The following RAB4A variants were observed in gnomAD, a reference collection of about 807,000 sequenced individuals.
The protein encoded by RAB4A is RAB4A, member RAS oncogene family.
Under a neutral mutation model 34.5 loss-of-function variants are expected in RAB4A, and 20 were observed. The ratio of observed to expected loss-of-function variants is 0.58; its 90% CI spans 0.41 to 0.84. The LOEUF is 0.84. RAB4A is among the 40% of genes least tolerant of loss of function. RAB4A has a pLI of 0.00. For synonymous variants in RAB4A, 102 were observed against 100.0 expected (o/e 1.02, Z -0.12); for missense variants, 228 against 274.5 (o/e 0.83, Z 1.20).
chr1:229,293,392 G>A (rs946679121), intron 3 of RAB4A, among the ~76,000 whole-genome samples: 4 of 152,214 alleles, frequency 2.6e-5, no homozygotes, highest in African/African-American at 4.8e-5. Context: ...GGGCTCCCAC[G>A]GCCACAGCCC....
chr1:229,293,378 G>A (rs533525105), intron 3 of RAB4A, among the ~76,000 whole-genome samples: 2 of 152,310 alleles, frequency 1.3e-5, no homozygotes, highest in South Asian at 2.1e-4. Flanking sequence ...TCCTCACTCG[G>A]TGAGGGCTCC....
rs570091786 is a variant in RAB4A, at chr1:229,277,525, A to G, written c.31+6155A>G. Among the ~76,000 whole-genome samples the G allele has an allele frequency of 1.9e-4, 29 of 151,380 alleles. No homozygotes were observed. In the South Asian group the frequency reaches 5.8e-3, roughly 30 times the overall value. ...CAAAACTTTTTGTCCTTTAAAGTAC[A>G]TGTCATCTTATATTCTGTCCTCTGC... On this transcript the variant is annotated intron_variant, in intron 1 of 7. Coordinates refer to ENST00000366690, the MANE Select transcript of RAB4A (RefSeq NM_004578.4).
intron 6 of RAB4A, among the ~76,000 whole-genome samples, chr1:229,300,687 T>TG (rs912957408): frequency 3.6e-4 from 55 of 152,096 alleles, no homozygotes; most frequent in African/African-American, 1.3e-3. Flanking sequence ...TGTGCGGCCT[T>TG]TGCGGTAACG....
chr1:229,272,566 G>A (rs149944887), intron 1 of RAB4A, among the ~76,000 whole-genome samples: 15 of 152,256 alleles, frequency 9.9e-5, no homozygotes, highest in Middle Eastern at 3.4e-3. Context: ...GTGAAAGTGT[G>A]TTAGAAAGAA....
rs766982185 is a variant in RAB4A, at chr1:229,295,947, G to A, written c.290+37G>A. ...TCCCCCTGGTGAAGGAGGGTGCTCA[G>A]TGCCCTGCAGCCCAAAGGCTGGTCT... On this transcript the variant is annotated intron_variant, in intron 4 of 7. Coordinates refer to ENST00000366690, the MANE Select transcript of RAB4A (RefSeq NM_004578.4). The A allele has an allele frequency of 5.1e-5, 82 of 1,607,000 alleles. 3 individuals carry two copies. In the South Asian group the frequency reaches 6.1e-4, roughly 12 times the overall value.
intron 6 of RAB4A, among the ~76,000 whole-genome samples, chr1:229,300,804 C>T (rs1037056169): frequency 6.6e-6 from 1 of 151,848 alleles, no homozygotes; most frequent in African/African-American, 2.4e-5. Flanking sequence ...ACTGTGGAAG[C>T]AATGTGATCG....
At chr1:229,286,659 GA>G (rs1204674199) in intron 2 of RAB4A, 93 bp downstream of exon 2, 3 of 727,318 alleles carry the variant, frequency 4.1e-6, no homozygotes, top group African/African-American at 3.7e-5. Context: ...TTTTTCAGAG[GA>G]AAAAAGTAAT....
chr1:229,285,166 G>A (rs771963782), intron 1 of RAB4A, among the ~76,000 whole-genome samples: 10 of 151,994 alleles, frequency 6.6e-5, no homozygotes, highest in African/African-American at 1.9e-4. Context: ...CACCATACCC[G>A]GCTAAGTTTT....
chr1:229,291,566 G>A (rs1046774596), intron 3 of RAB4A, among the ~76,000 whole-genome samples: 16 of 152,308 alleles, frequency 1.1e-4, no homozygotes, highest in African/African-American at 3.6e-4. Flanking sequence ...TGAGAAGAAA[G>A]AAACTGTAAG....
At chr1:229,287,838 C>G (rs931407780) in intron 2 of RAB4A, among the ~76,000 whole-genome samples, 4 of 152,220 alleles carry the variant, frequency 2.6e-5, no homozygotes, top group African/African-American at 9.7e-5. Flanking sequence ...CATCCCTGAT[C>G]TCTGAAACAA....
rs1657502431 is a variant in RAB4A, at chr1:229,304,692, C to T, written c.*899C>T. ...GGAATTCAGTATAATGGCATCACTG[C>T]CTGTTTTTCACATCTTTTGTTTCCT... On this transcript the variant is annotated 3_prime_UTR_variant, in exon 8 of 8. Coordinates refer to ENST00000366690, the MANE Select transcript of RAB4A (RefSeq NM_004578.4). The T allele has an allele frequency of 1.3e-5, 2 of 152,444 alleles. No homozygotes were observed. Among genetic ancestry groups the T allele is most frequent in the Non-Finnish European group, 2.9e-5 (2 of 68,216 alleles). 9.4% of individuals were successfully genotyped at this position (152,444 alleles called of 1,614,324 possible).
chr1:229,291,923 T>C (rs1657096608), intron 3 of RAB4A, among the ~76,000 whole-genome samples: 1 of 152,104 alleles, frequency 6.6e-6, no homozygotes, highest in African/African-American at 2.4e-5. Context: ...TGTAGGGACA[T>C]GGATGAAATT....
In RAB4A at chr1:229,298,069, A is replaced by G. The variant is rs558126178; in HGVS notation, c.445+433A>G. ...TGGCTTCATTTTAAGTCATTTGGTT[A>G]TAGACAACTTTGAAACTTTTTTGAA... On this transcript the variant is annotated intron_variant, in intron 5 of 7. Transcript: ENST00000366690. Among the ~76,000 whole-genome samples, 4 of 152,352 alleles carry G rather than the reference A, an allele frequency of 2.6e-5. No individual in the cohort carries two copies. In the South Asian group the frequency reaches 6.2e-4, roughly 24 times the overall value.
intron 1 of RAB4A, among the ~76,000 whole-genome samples, chr1:229,274,044 T>C (rs1656572956): frequency 8.1e-6 from 1 of 122,916 alleles, no homozygotes; most frequent in African/African-American, 3.1e-5. Context: ...TGGGTTTTTG[T>C]TTCCCTTTTT....
intron 1 of RAB4A, among the ~76,000 whole-genome samples, chr1:229,284,463 TTGGAAG>T (rs1436253855): frequency 9.9e-5 from 15 of 152,186 alleles, no homozygotes; most frequent in African/African-American, 3.6e-4. Context: ...CTCCATTGTC[TTGGAAG>T]TGGAAGTCCA....
intron 6 of RAB4A, among the ~76,000 whole-genome samples, chr1:229,302,305 A>ATTTT (rs1657428912): frequency 2.6e-5 from 1 of 37,864 alleles, no homozygotes; most frequent in African/African-American, 8.2e-5. Flanking sequence ...ATATATATAT[A>ATTTT]TATATTTTTT....
Position 229,284,094 on chromosome 1 carries a change from G to GTTTTTTTTTTTTTTTTTTTTTT in RAB4A, c.32-2389_32-2368dup, listed in dbSNP as rs773213321. On this transcript the variant is annotated intron_variant, in intron 1 of 7. Transcript: ENST00000366690. Reference sequence around the variant, plus strand: ...TTTTTTTTGTTGTTGGTGTTGTTTGGTTTTTTTTTTTTTTTTTTTTTTTTG... The same window carrying GTTTTTTTTTTTTTTTTTTTTTT: ...TTTTTTTTGTTGTTGGTGTTGTTTGGTTTTTTTTTTTTTTTTTTTTTTTTTTTTTTTTTTTTTTTTTTTTTTG... Among the ~76,000 whole-genome samples, 6 of 45,904 alleles carry GTTTTTTTTTTTTTTTTTTTTTT rather than the reference G, an allele frequency of 1.3e-4. 3 individuals are homozygous for GTTTTTTTTTTTTTTTTTTTTTT. The highest frequency in any genetic ancestry group is 2.3e-4 in the Non-Finnish European group (6 of 26,356). The allele number at this position is 45,904 out of a possible 152,430, so 30.1% of individuals were successfully genotyped here.
chr1:229,291,788 C>T (rs573945345), intron 3 of RAB4A, among the ~76,000 whole-genome samples: 7 of 152,130 alleles, frequency 4.6e-5, no homozygotes, highest in Non-Finnish European at 8.8e-5. Flanking sequence ...AGAGACTTTT[C>T]GTGACATTTC....
At chr1:229,300,002 A>C (rs1438711853) in intron 6 of RAB4A, among the ~76,000 whole-genome samples, 1 of 152,158 alleles carries the variant, frequency 6.6e-6, no homozygotes, top group East Asian at 1.9e-4. Flanking sequence ...GCAGGAGAAA[A>C]GGTTGAAGAA....
Sources: allele counts gnomAD v4.1 joint callset (sites outside exome capture counted in the v4.1 genomes callset), GRCh38; gene constraint gnomAD v4.1.1; transcripts MANE v1.5; gene names NCBI Gene and HGNC (gene_info 2026-07-23, HGNC 2026-07-21).